The following ATXN1 variants were observed in gnomAD, a reference collection of about 807,000 sequenced individuals.
The protein encoded by ATXN1 is ataxin-1.
In ATXN1, 8 loss-of-function variants were observed where a neutral mutation model predicts 56.4. That is an observed-to-expected ratio of 0.14 (90% CI 0.08 to 0.26). ATXN1 has a LOEUF of 0.26. Among genes scored for constraint, ATXN1 ranks in the 10% least tolerant of loss-of-function variants. ATXN1 has a pLI of 1.00. For missense variants in ATXN1, 987 were observed against 1,106.5 expected, an observed-to-expected ratio of 0.89 and a Z score of 1.53; for synonymous variants, 514 against 494.6, an observed-to-expected ratio of 1.04 and a Z score of -0.52.
chr6:16,337,332 C>T (rs1042438578), intron 6 of ATXN1, among the ~76,000 whole-genome samples: 2 of 152,294 alleles, frequency 1.3e-5, no homozygotes, highest in East Asian at 1.9e-4. Flanking sequence ...GGTCCCCCTG[C>T]GTGGCTCATG....
At position 16,328,320 on chromosome 6, in the gene ATXN1, T is replaced by C; in HGVS notation, c.-10A>G. ...CTTGGTTGGATTTCATTTTTCGCCG[T>C]CCCCCCTCCACGGTGACTGTTTCAC... On this transcript the variant is annotated 5_prime_UTR_variant, in exon 7 of 8. Coordinates refer to ENST00000436367, the MANE Select transcript of ATXN1 (RefSeq NM_001128164.2). The surrounding 1 kb of genome is among the most constrained non-coding windows in gnomAD (Gnocchi z 6.2). 6.7e-7 allele frequency: 1 copy of C among 1,490,806 alleles called. No homozygotes were observed. Among genetic ancestry groups the C allele is most frequent in the Non-Finnish European group, 8.9e-7 (1 of 1,125,260 alleles). 92.3% of individuals were successfully genotyped at this position (1,490,806 alleles called of 1,614,324 possible).
At chr6:16,704,851 G>A (rs989876088) in intron 2 of ATXN1, among the ~76,000 whole-genome samples, 11 of 152,184 alleles carry the variant, frequency 7.2e-5, no homozygotes, top group African/African-American at 2.4e-4. Flanking sequence ...CCAAACGTCT[G>A]CACCAATGTG....
chr6:16,514,733 C>T lies in ATXN1; in HGVS notation c.-299+7894G>A, dbSNP rs368316810. On this transcript the variant is annotated intron_variant, in intron 5 of 7. Transcript: ENST00000436367. ...GACACTGTTATTAAAATAATATCCA[C>T]GGCACTTTGGGAGGCCAAGGTGGGC... is the stretch of plus-strand genomic sequence containing the variant. Among the ~76,000 whole-genome samples, 16 of 152,126 alleles carry T rather than the reference C, an allele frequency of 1.1e-4. No individual in the cohort carries two copies. In the East Asian group the frequency reaches 2.1e-3, roughly 20 times the overall value.
chr6:16,411,141 A>AAAAAAG (rs1554144611), intron 6 of ATXN1, among the ~76,000 whole-genome samples: 5 of 150,702 alleles, frequency 3.3e-5, no homozygotes, highest in Admixed American at 1.3e-4. Flanking sequence ...AAAAAAAAAA[A>AAAAAAG]AAAAGAAAAG....
At chr6:16,604,432 G>A (rs1424037886) in intron 3 of ATXN1, among the ~76,000 whole-genome samples, 3 of 151,696 alleles carry the variant, frequency 2.0e-5, no homozygotes, top group Non-Finnish European at 4.4e-5. Flanking sequence ...CCAGGAGTTC[G>A]AGGCTGCAAT....
chr6:16,720,069 A>G (rs1759716100), intron 2 of ATXN1, among the ~76,000 whole-genome samples: 1 of 152,150 alleles, frequency 6.6e-6, no homozygotes, highest in Non-Finnish European at 1.5e-5. Context: ...CCTCTAGATC[A>G]ATTCAAAGGC....
At chr6:16,701,800 G>A (rs1759290478) in intron 2 of ATXN1, among the ~76,000 whole-genome samples, 1 of 152,070 alleles carries the variant, frequency 6.6e-6, no homozygotes, top group Admixed American at 6.6e-5. Context: ...CCCCTTCAAG[G>A]AGAACTACAA....
chr6:16,668,388 C>T (rs1011881264), intron 2 of ATXN1, among the ~76,000 whole-genome samples: 2 of 144,408 alleles, frequency 1.4e-5, no homozygotes, highest in Non-Finnish European at 3.0e-5. Flanking sequence ...TGTTCCCCTT[C>T]CTGTGTCCAT....
At chr6:16,446,837 G>A (rs1001453118) in intron 6 of ATXN1, among the ~76,000 whole-genome samples, 1 of 152,098 alleles carries the variant, frequency 6.6e-6, no homozygotes, top group East Asian at 1.9e-4. Flanking sequence ...CTGAGCGTGT[G>A]GTTAATAAAC....
intron 2 of ATXN1, among the ~76,000 whole-genome samples, chr6:16,677,520 G>A (rs528717431): frequency 1.3e-5 from 2 of 152,126 alleles, no homozygotes; most frequent in East Asian, 1.9e-4. Flanking sequence ...GCTCCACAAA[G>A]AGCAAAAAGA....
intron 3 of ATXN1, among the ~76,000 whole-genome samples, chr6:16,594,977 C>T (rs1033126107): frequency 2.6e-5 from 4 of 152,154 alleles, no homozygotes; most frequent in Admixed American, 1.3e-4. Context: ...TTTGAAGACT[C>T]CCCATGACCT....
At chr6:16,689,001 T>G (rs1380205645) in intron 2 of ATXN1, among the ~76,000 whole-genome samples, 1 of 151,998 alleles carries the variant, frequency 6.6e-6, no homozygotes, top group Non-Finnish European at 1.5e-5. Context: ...AGTATGAATA[T>G]GTGCGCATAT....
At chr6:16,735,633 T>A (rs1048399247) in intron 2 of ATXN1, among the ~76,000 whole-genome samples, 1 of 152,206 alleles carries the variant, frequency 6.6e-6, no homozygotes, top group African/African-American at 2.4e-5. Context: ...AGCAGTAATT[T>A]AAAGTATGAA....
Position 16,571,371 on chromosome 6 carries a change from T to C in ATXN1, c.-361+14409A>G, listed in dbSNP as rs962998034. On this transcript the variant is annotated intron_variant, in intron 4 of 7. Coordinates refer to ENST00000436367, the MANE Select transcript of ATXN1 (RefSeq NM_001128164.2). ...ATAAAAAGAGTCTTTATTCTGCCAATGTGAACATATGTGCTTCCACAGCAA... is the reference window on the plus strand; with the variant it reads ...ATAAAAAGAGTCTTTATTCTGCCAACGTGAACATATGTGCTTCCACAGCAA... Among the ~76,000 whole-genome samples the C allele has an allele frequency of 6.6e-5, 10 of 152,348 alleles. No homozygotes were observed. In the Middle Eastern group the frequency reaches 0.01, roughly 155 times the overall value.
chr6:16,356,008 T>A (rs1761681913), intron 6 of ATXN1, among the ~76,000 whole-genome samples: 1 of 152,252 alleles, frequency 6.6e-6, no homozygotes, highest in Non-Finnish European at 1.5e-5. Context: ...GGCTCGTTCC[T>A]TCCCCGCGAC....
Position 16,328,486 on chromosome 6 carries a change from G to A in ATXN1, c.-160-16C>T. On this transcript the variant is annotated splice_polypyrimidine_tract_variant and intron_variant, in intron 6 of 7. Coordinates refer to ENST00000436367, the MANE Select transcript of ATXN1 (RefSeq NM_001128164.2). The surrounding 1 kb of genome is among the most constrained non-coding windows in gnomAD (Gnocchi z 6.2). The stretch of plus-strand genomic sequence containing the variant: ...GCTCTGGATGCTGGGAAAGGGAAGA[G>A]GGCAGTGACAAAGGGAAAAGGAAAG... 1 of 1,185,652 alleles carries A rather than the reference G, an allele frequency of 8.4e-7. No homozygotes were observed. Among genetic ancestry groups the A allele is most frequent in the Non-Finnish European group, 1.1e-6 (1 of 921,654 alleles). The allele number at this position is 1,185,652 out of a possible 1,614,324, so 73.4% of individuals were successfully genotyped here. A position where few individuals can be genotyped will look rare whatever the true frequency, so the allele number is the denominator to read the frequency against.
chr6:16,484,342 G>A (rs994107527), intron 6 of ATXN1, among the ~76,000 whole-genome samples: 1 of 152,184 alleles, frequency 6.6e-6, no homozygotes, highest in African/African-American at 2.4e-5. Context: ...GCTGAGGTGG[G>A]AGGGTCACTT....
intron 3 of ATXN1, among the ~76,000 whole-genome samples, chr6:16,613,271 C>CA (rs765813165): frequency 0.22 from 11,170 of 49,858 alleles, 1,396 homozygotes; most frequent in Non-Finnish European, 0.31. Flanking sequence ...GACTCCGTCT[C>CA]AAAAAAAAAA....
intron 3 of ATXN1, among the ~76,000 whole-genome samples, chr6:16,613,764 G>C (rs79695628): frequency 6.6e-6 from 1 of 152,158 alleles, no homozygotes; most frequent in Admixed American, 6.5e-5. Flanking sequence ...AGGGGTTCAA[G>C]GTTGCAGTGA....
Sources: allele counts gnomAD v4.1 joint callset (sites outside exome capture counted in the v4.1 genomes callset), GRCh38; gene constraint gnomAD v4.1.1; non-coding constraint Gnocchi (gnomAD v3.1); transcripts MANE v1.5; gene names NCBI Gene and HGNC (gene_info 2026-07-23, HGNC 2026-07-21).